The following CNTN4 variants were observed in gnomAD, a reference collection of about 807,000 sequenced individuals.
CNTN4 encodes contactin-4.
A neutral mutation model predicts 122.5 loss-of-function variants in CNTN4; 77 were observed. The ratio of observed to expected loss-of-function variants is 0.63; its 90% CI spans 0.52 to 0.76. CNTN4 has a LOEUF of 0.76. Ranked by LOEUF, CNTN4 falls within the 30% of genes least tolerant of loss-of-function variation. The probability of loss-of-function intolerance (pLI) is 0.00; values close to 1 mark genes in which losing one functional copy is unlikely to be tolerated. For synonymous variants in CNTN4, 512 were observed against 447.0 expected, an observed-to-expected ratio of 1.15 and a Z score of -1.83; for missense variants, 1,256 against 1,259.1, an observed-to-expected ratio of 1.00 and a Z score of 0.04.
intron 23 of CNTN4, among the ~76,000 whole-genome samples, chr3:3,049,237 C>G (rs1269429682): frequency 4.6e-5 from 7 of 152,250 alleles, no homozygotes; most frequent in South Asian, 2.1e-4. Flanking sequence ...CGCCCACCAC[C>G]ACGACTGGCT....
At chr3:2,509,778 A>C (rs2076831854) in intron 3 of CNTN4, among the ~76,000 whole-genome samples, 1 of 152,224 alleles carries the variant, frequency 6.6e-6, no homozygotes, top group Admixed American at 6.5e-5. Context: ...AAAAGATAAC[A>C]TAACTAACCA....
intron 2 of CNTN4, among the ~76,000 whole-genome samples, chr3:2,219,500 T>A (rs756194913): frequency 6.6e-6 from 1 of 152,184 alleles, no homozygotes; most frequent in Non-Finnish European, 1.5e-5. Context: ...ATCCTTTTCC[T>A]GTTTATTATG....
intron 2 of CNTN4, among the ~76,000 whole-genome samples, chr3:2,129,057 A>AT (rs1318825481): frequency 6.6e-6 from 1 of 152,150 alleles, no homozygotes; most frequent in Non-Finnish European, 1.5e-5. Flanking sequence ...GAAATGCTTC[A>AT]TTTTTTCTTT....
chr3:3,031,016 CATG>C, intron 16 of CNTN4, 41 bp downstream of exon 16: 1 of 1,613,016 alleles, frequency 6.2e-7, no homozygotes, highest in Non-Finnish European at 8.5e-7. Context: ...GAAATATTTT[CATG>C]ATATCTACTG....
intron 13 of CNTN4, among the ~76,000 whole-genome samples, chr3:2,967,262 T>A (rs546158546): frequency 2.0e-5 from 3 of 152,180 alleles, no homozygotes; most frequent in African/African-American, 7.2e-5. Flanking sequence ...GATGAGCCAG[T>A]TTATTGATCT....
At chr3:2,856,434 A>G (rs1489625326) in intron 7 of CNTN4, among the ~76,000 whole-genome samples, 2 of 152,214 alleles carry the variant, frequency 1.3e-5, no homozygotes, top group East Asian at 3.9e-4. Flanking sequence ...CTGAGAAGAG[A>G]GTGCACAAGC....
intron 10 of CNTN4, among the ~76,000 whole-genome samples, chr3:2,898,271 G>A (rs1489217666): frequency 6.6e-6 from 1 of 152,160 alleles, no homozygotes; most frequent in African/African-American, 2.4e-5. Context: ...CACTTTGAGA[G>A]GAATATGTTT....
chr3:3,022,219 C>T (rs1343773726), intron 14 of CNTN4, among the ~76,000 whole-genome samples: 1 of 152,024 alleles, frequency 6.6e-6, no homozygotes, highest in Non-Finnish European at 1.5e-5. Flanking sequence ...ACTCCAACCT[C>T]AGGGACAGAA....
At chr3:2,386,590 G>A (rs1236595092) in intron 3 of CNTN4, among the ~76,000 whole-genome samples, 1 of 152,098 alleles carries the variant, frequency 6.6e-6, no homozygotes, top group Non-Finnish European at 1.5e-5. Flanking sequence ...TGTAAGAGAA[G>A]CAAATATCAC....
intron 23 of CNTN4, among the ~76,000 whole-genome samples, chr3:3,048,506 C>G (rs1011106190): frequency 3.9e-5 from 5 of 129,364 alleles, no homozygotes; most frequent in Non-Finnish European, 6.2e-5. Flanking sequence ...CTCTCTTTCT[C>G]TCTCTCTCTC....
At chr3:2,644,210 A>G (rs1369664220) in intron 4 of CNTN4, among the ~76,000 whole-genome samples, 1 of 152,226 alleles carries the variant, frequency 6.6e-6, no homozygotes, top group African/African-American at 2.4e-5. Context: ...ATGGTCTTCC[A>G]AAGGGAAAGG....
chr3:2,287,673 GA>G lies in CNTN4; in HGVS notation c.-144-51503del, dbSNP rs1559415504. The stretch of plus-strand genomic sequence containing the variant: ...AGAAGAAGAAGAAGAAGAAGAAGAA[GA>G]AGAAGAAGAAGAAGAAGAGGAAGAA... On this transcript the variant is annotated intron_variant, in intron 2 of 24. Coordinates refer to ENST00000418658, the MANE Select transcript of CNTN4 (RefSeq NM_175607.3). Among the ~76,000 whole-genome samples the G allele has an allele frequency of 7.0e-3, 516 of 73,374 alleles. 8 individuals carry two copies. The highest frequency in any genetic ancestry group is 0.024 in the Middle Eastern group (4 of 164). 48.1% of individuals were successfully genotyped at this position (73,374 alleles called of 152,430 possible).
chr3:2,370,093 G>A (rs767169866), intron 3 of CNTN4, among the ~76,000 whole-genome samples: 5 of 151,980 alleles, frequency 3.3e-5, no homozygotes, highest in Non-Finnish European at 7.4e-5. Context: ...CAAAATTTGG[G>A]GAAAAAATAT....
intron 3 of CNTN4, among the ~76,000 whole-genome samples, chr3:2,485,271 C>A (rs2151618715): frequency 6.6e-6 from 1 of 152,362 alleles, no homozygotes; most frequent in South Asian, 2.1e-4. Context: ...GTCCCATCGA[C>A]TGCCCAAGGG....
intron 5 of CNTN4, among the ~76,000 whole-genome samples, chr3:2,737,324 G>C (rs1036847046): frequency 6.6e-6 from 1 of 151,772 alleles, no homozygotes; most frequent in Admixed American, 6.6e-5. Context: ...CAAGTGATCT[G>C]CCCGCCTCGG....
At chr3:2,135,195 G>T (rs1559276364) in intron 2 of CNTN4, among the ~76,000 whole-genome samples, 1 of 152,128 alleles carries the variant, frequency 6.6e-6, no homozygotes, top group African/African-American at 2.4e-5. Context: ...TGTGGACCTT[G>T]AGGAAGCCAG....
At chr3:2,883,409 A>G (rs1049804385) in intron 9 of CNTN4, among the ~76,000 whole-genome samples, 162 bp downstream of exon 9, 1 of 152,118 alleles carries the variant, frequency 6.6e-6, no homozygotes, top group Admixed American at 6.5e-5. Context: ...GCCCCTCACC[A>G]TGGAGAGAGG....
rs201086207 is a variant in CNTN4 at position 2,558,476 on chromosome 3, CT to C, written c.-88-12931del. 2.9e-3 allele frequency among the ~76,000 whole-genome samples: 439 copies of C among 150,952 alleles called. 10 individuals are homozygous for C. In the East Asian group the frequency reaches 0.052, roughly 18 times the overall value. Reference sequence around the variant, plus strand: ...TTACTCAATTTTCTGATGTTCCCTCCTTTTTTTTTATTGATGTCATGCATTG... The same window carrying C: ...TTACTCAATTTTCTGATGTTCCCTCCTTTTTTTTATTGATGTCATGCATTG... On this transcript the variant is annotated intron_variant, in intron 3 of 24. Coordinates refer to ENST00000418658, the MANE Select transcript of CNTN4 (RefSeq NM_175607.3).
At chr3:2,961,117 C>T (rs113350477) in intron 13 of CNTN4, among the ~76,000 whole-genome samples, 27,986 of 109,480 alleles carry the variant, frequency 0.26, 3,923 homozygotes, top group East Asian at 0.51. Flanking sequence ...GTAGTCCCAG[C>T]TACTCGGGAG....
Sources: gnomAD v4.1 joint callset for allele counts (sites outside exome capture counted in the v4.1 genomes callset) on GRCh38, gnomAD v4.1.1 for gene constraint, MANE v1.5 for transcripts, NCBI Gene and HGNC (gene_info 2026-07-23, HGNC 2026-07-21) for gene names.